Variants in ST18 observed in about 807,000 individuals in gnomAD.
ST18 encodes ST18 C2H2C-type zinc finger transcription factor, also known as suppression of tumorigenicity 18 protein.
A neutral mutation model predicts 110.0 loss-of-function variants in ST18; 50 were observed. That is an observed-to-expected ratio of 0.45 (90% CI 0.36 to 0.58). ST18 has a LOEUF of 0.58. ST18 is among the 20% of genes least tolerant of loss of function. The pLI is 0.00. For missense variants in ST18, 1,306 were observed against 1,280.1 expected (o/e 1.02, Z -0.31); for synonymous variants, 461 against 452.4 (o/e 1.02, Z -0.24).
chr8:52,158,883 C>G lies in ST18; in HGVS notation c.1806+15G>C, dbSNP rs368534854. The G allele has an allele frequency of 6.6e-5, 106 of 1,613,912 alleles. No homozygotes were observed. In the African/African-American group the frequency reaches 1.3e-3, roughly 20 times the overall value. ...CAGTCGCTGGCCCACCCTCCGGGCT[C>G]TTGGACTGGCCTACCTTGGCATGCA... On this transcript the variant is annotated intron_variant, in intron 15 of 25. Coordinates refer to ENST00000689386, the MANE Select transcript of ST18 (RefSeq NM_001352837.2).
chr8:52,332,428 G>T (rs1292927186), intron 2 of ST18, among the ~76,000 whole-genome samples: 2 of 150,408 alleles, frequency 1.3e-5, no homozygotes, highest in Non-Finnish European at 3.0e-5. Context: ...ATTCTCTTAC[G>T]ATGGAAGCAT....
At chr8:52,151,746 T>C (rs543958720) in intron 15 of ST18, among the ~76,000 whole-genome samples, 1 of 152,152 alleles carries the variant, frequency 6.6e-6, no homozygotes, top group South Asian at 2.1e-4. Flanking sequence ...TAAAGTAAAA[T>C]GCTAAATATT....
At chr8:52,330,191 T>C (rs539506535) in intron 2 of ST18, among the ~76,000 whole-genome samples, 179 of 152,362 alleles carry the variant, frequency 1.2e-3, no homozygotes, top group Non-Finnish European at 2.3e-3. Flanking sequence ...ATGAAGTTTA[T>C]TATTCTTATC....
intron 23 of ST18, among the ~76,000 whole-genome samples, chr8:52,125,387 G>GTA (rs1563530470): frequency 7.7e-6 from 1 of 130,596 alleles, no homozygotes; most frequent in East Asian, 2.0e-4. Context: ...AAACGCGCAC[G>GTA]TACACACACA....
intron 2 of ST18, among the ~76,000 whole-genome samples, chr8:52,384,875 C>T (rs1464439852): frequency 6.6e-6 from 1 of 151,986 alleles, no homozygotes; most frequent in African/African-American, 2.4e-5. Context: ...CTTTGGATAT[C>T]TTCAGTGCTG....
At chr8:52,202,656 G>A (rs1336379902) in intron 8 of ST18, among the ~76,000 whole-genome samples, 1 of 152,088 alleles carries the variant, frequency 6.6e-6, no homozygotes, top group African/African-American at 2.4e-5. Context: ...TGGAGGAGGT[G>A]GTATCAGTCC....
intron 8 of ST18, among the ~76,000 whole-genome samples, chr8:52,181,607 T>C (rs1195788831): frequency 6.6e-6 from 1 of 152,158 alleles, no homozygotes; most frequent in Non-Finnish European, 1.5e-5. Flanking sequence ...AATCAAGCAA[T>C]GTGCTTTCAC....
chr8:52,395,745 A>T (rs1840885814), intron 2 of ST18, among the ~76,000 whole-genome samples: 1 of 152,220 alleles, frequency 6.6e-6, no homozygotes, highest in South Asian at 2.1e-4. Flanking sequence ...GGGGATGAGC[A>T]TGCCTGGAAA....
At position 52,176,076 on chromosome 8, in the gene ST18, C is replaced by T. The variant is rs546507073; in HGVS notation, c.278-3493G>A. ...TCCCTCTGTCGCCCAGGCTGGAGTGCAGTGGCTCAATCTCTGCTCACTGCA... is the reference window on the plus strand; with the variant it reads ...TCCCTCTGTCGCCCAGGCTGGAGTGTAGTGGCTCAATCTCTGCTCACTGCA... On this transcript the variant is annotated intron_variant, in intron 9 of 25. Coordinates refer to ENST00000689386, the MANE Select transcript of ST18 (RefSeq NM_001352837.2). Among the ~76,000 whole-genome samples, 3 of 151,978 alleles carry T rather than the reference C, an allele frequency of 2.0e-5. No individual in the cohort carries two copies. The South Asian group carries it at 6.2e-4, about 32-fold the overall frequency.
intron 2 of ST18, among the ~76,000 whole-genome samples, chr8:52,361,379 T>C (rs1590241663): frequency 6.6e-6 from 1 of 152,146 alleles, no homozygotes; most frequent in South Asian, 2.1e-4. Context: ...GGGAAAGTAT[T>C]AGTGAAATCA....
At chr8:52,386,207 GT>G (rs1417328147) in intron 2 of ST18, among the ~76,000 whole-genome samples, 1 of 152,102 alleles carries the variant, frequency 6.6e-6, no homozygotes, top group Non-Finnish European at 1.5e-5. Flanking sequence ...TATAAAGCAT[GT>G]TTAATGCCAT....
Position 52,161,369 on chromosome 8 carries a change from G to C in ST18, c.1594+6C>G, listed in dbSNP as rs1332895538. The C allele has an allele frequency of 6.2e-7, 1 of 1,612,636 alleles. No individual in the cohort carries two copies. Among genetic ancestry groups the C allele is most frequent in the Non-Finnish European group, 8.5e-7 (1 of 1,179,058 alleles). On this transcript the variant is annotated splice_donor_region_variant and intron_variant, in intron 14 of 25. Coordinates refer to ENST00000689386, the MANE Select transcript of ST18 (RefSeq NM_001352837.2). ...TGGGGAAACGGCATTAGAGCTCAAA[G>C]CTTACATTCAGGAAATGGTGGTGTT...
chr8:52,346,363 G>A lies in ST18; in HGVS notation c.-465+62965C>T, dbSNP rs1023133656. On this transcript the variant is annotated intron_variant, in intron 2 of 25. Coordinates refer to ENST00000689386, the MANE Select transcript of ST18 (RefSeq NM_001352837.2). ...CAAAGACCAAGAATATGAGATAAAA[G>A]ATGAGACCAGTCCAAAAGTTCCAAT... 2.6e-5 allele frequency among the ~76,000 whole-genome samples: 4 copies of A among 151,852 alleles called. No individual in the cohort carries two copies. In the East Asian group the frequency reaches 7.7e-4, roughly 29 times the overall value.
intron 2 of ST18, among the ~76,000 whole-genome samples, chr8:52,311,507 G>A (rs549719414): frequency 3.3e-5 from 5 of 152,276 alleles, no homozygotes; most frequent in Admixed American, 3.3e-4. Flanking sequence ...TGAAGGCATT[G>A]TATTAGTCCG....
chr8:52,400,663 A>G (rs1472683851), intron 2 of ST18, among the ~76,000 whole-genome samples: 6 of 152,104 alleles, frequency 3.9e-5, no homozygotes, highest in African/African-American at 1.4e-4. Context: ...TTATAAGATG[A>G]TAACTACTTA....
intron 8 of ST18, among the ~76,000 whole-genome samples, chr8:52,189,100 T>C (rs2073519158): frequency 6.6e-6 from 1 of 152,150 alleles, no homozygotes; most frequent in Non-Finnish European, 1.5e-5. Context: ...ACACTGGAGA[T>C]GATGAATACA....
intron 17 of ST18, among the ~76,000 whole-genome samples, chr8:52,140,291 A>G (rs1351558724): frequency 6.6e-6 from 1 of 152,204 alleles, no homozygotes; most frequent in Non-Finnish European, 1.5e-5. Flanking sequence ...GCACTTTGGG[A>G]GGCTGAGATG....
intron 3 of ST18, among the ~76,000 whole-genome samples, chr8:52,224,045 G>A (rs894586034): frequency 4.6e-5 from 7 of 152,004 alleles, no homozygotes; most frequent in South Asian, 4.2e-4. Flanking sequence ...GCTCTTAATC[G>A]CTCTTCTAAT....
intron 23 of ST18, among the ~76,000 whole-genome samples, chr8:52,121,800 G>A (rs2044925860): frequency 6.6e-6 from 1 of 152,094 alleles, no homozygotes; most frequent in Non-Finnish European, 1.5e-5. Context: ...GGACTAGCTA[G>A]GTATTGCTGA....
Sources: gnomAD v4.1 joint callset for allele counts (sites outside exome capture counted in the v4.1 genomes callset) on GRCh38, gnomAD v4.1.1 for gene constraint, MANE v1.5 for transcripts, NCBI Gene and HGNC (gene_info 2026-07-23, HGNC 2026-07-21) for gene names.